LIN52: variants seen among roughly 807,000 people sequenced by gnomAD.
LIN52 encodes lin-52 DREAM MuvB core complex component.
A neutral mutation model predicts 18.5 loss-of-function variants in LIN52; 4 were observed. That is an observed-to-expected ratio of 0.22 (90% confidence interval 0.11 to 0.49). LIN52 has a LOEUF of 0.49. Ranked by LOEUF, LIN52 falls within the 20% of genes least tolerant of loss-of-function variation. The pLI, the probability that LIN52 is intolerant of heterozygous loss-of-function variation, is 0.97. For missense variants in LIN52, 102 were observed against 139.5 expected, an observed-to-expected ratio of 0.73 and a Z score of 1.35; for synonymous variants, 34 against 45.5, an observed-to-expected ratio of 0.75 and a Z score of 1.02.
At chr14:74,179,191 C>G (rs992224227) in intron 5 of LIN52, among the ~76,000 whole-genome samples, 1 of 152,196 alleles carries the variant, frequency 6.6e-6, no homozygotes, top group Non-Finnish European at 1.5e-5. Flanking sequence ...AATTAATTAT[C>G]TCCATTCTAT....
Position 74,101,216 on chromosome 14 carries a change from C to T in LIN52, c.261C>T (p.Ala87=), listed in dbSNP as rs145058704. 19 of 1,610,288 alleles carry T rather than the reference C, an allele frequency of 1.2e-5. No homozygotes were observed. The highest frequency in any genetic ancestry group is 2.7e-5 in the African/African-American group (2 of 74,694). The part of the protein sequence containing the change: ...MEKVRGLQNL[A]YQLGLDESRE... ...AGGTTCGAGGCCTACAGAACCTAGCCTATCAGCTGGGGCTGGATGAGTGTG... is the reference window on the plus strand; with the variant it reads ...AGGTTCGAGGCCTACAGAACCTAGCTTATCAGCTGGGGCTGGATGAGTGTG... The change falls in exon 5 of 6, where the codon GCC becomes GCT. Residue 87 remains alanine, a synonymous_variant. Coordinates refer to ENST00000555028, the MANE Select transcript of LIN52 (RefSeq NM_001024674.3).
intron 5 of LIN52, among the ~76,000 whole-genome samples, chr14:74,151,066 CCA>C (rs2061175117): frequency 6.6e-6 from 1 of 151,678 alleles, no homozygotes; most frequent in African/African-American, 2.4e-5. Flanking sequence ...ATTTTTATAC[CCA>C]GAGAGTCATT....
At chr14:74,167,092 G>A (rs1421475138) in intron 5 of LIN52, among the ~76,000 whole-genome samples, 1 of 145,008 alleles carries the variant, frequency 6.9e-6, no homozygotes, top group African/African-American at 2.5e-5. Context: ...TGGGGAAGAG[G>A]CCAACACTGG....
chr14:74,181,376 G>GGATCATGGCTCGA (rs1202475800), intron 5 of LIN52, among the ~76,000 whole-genome samples: 5 of 150,964 alleles, frequency 3.3e-5, no homozygotes, highest in Non-Finnish European at 5.9e-5. Flanking sequence ...GGAGGTTGAG[G>GGATCATGGCTCGA]CTGCAGCGAG....
At chr14:74,086,410 T>C (rs2060731941) in intron 1 of LIN52, among the ~76,000 whole-genome samples, 1 of 152,100 alleles carries the variant, frequency 6.6e-6, no homozygotes, top group African/African-American at 2.4e-5. Flanking sequence ...CCCAGCACTT[T>C]GGGAGGCTGA....
chr14:74,089,424 A>G (rs568528983), intron 1 of LIN52, among the ~76,000 whole-genome samples: 2 of 149,778 alleles, frequency 1.3e-5, no homozygotes, highest in East Asian at 3.9e-4. Flanking sequence ...GCTGGAGTGC[A>G]GTGGTGTGAC....
intron 5 of LIN52, among the ~76,000 whole-genome samples, chr14:74,158,272 C>G (rs1042899340): frequency 1.3e-5 from 2 of 151,340 alleles, no homozygotes; most frequent in South Asian, 4.2e-4. Flanking sequence ...CGTCACATGC[C>G]CGGCTAATTT....
intron 5 of LIN52, among the ~76,000 whole-genome samples, chr14:74,189,885 C>T (rs1232371782): frequency 6.6e-6 from 1 of 152,104 alleles, no homozygotes; most frequent in East Asian, 1.9e-4. Context: ...CACATTGAGT[C>T]CTGGCTTTTC....
chr14:74,121,464 A>G (rs1241680835), intron 5 of LIN52, among the ~76,000 whole-genome samples: 2 of 152,230 alleles, frequency 1.3e-5, no homozygotes, highest in African/African-American at 2.4e-5. Flanking sequence ...TTCCAATTCT[A>G]AGATACTTTA....
chr14:74,178,807 A>G (rs924022552), intron 5 of LIN52, among the ~76,000 whole-genome samples: 1 of 151,842 alleles, frequency 6.6e-6, no homozygotes, highest in African/African-American at 2.4e-5. Flanking sequence ...GAGGCTGGAC[A>G]TAGTGCCTCA....
chr14:74,156,787 C>T (rs781138030), intron 5 of LIN52, among the ~76,000 whole-genome samples: 1 of 152,122 alleles, frequency 6.6e-6, no homozygotes, highest in Non-Finnish European at 1.5e-5. Context: ...ACCAACCTCT[C>T]CCATCTTTAC....
intron 5 of LIN52, among the ~76,000 whole-genome samples, chr14:74,175,732 ACACACACACACACACACACC>A (rs1253244641): frequency 0.023 from 3,408 of 148,076 alleles, 152 homozygotes; most frequent in African/African-American, 0.082. Context: ...ACACACACAC[ACACACACACACACACACACC>A]CCCATTATAC....
chr14:74,169,248 T>C (rs1189911056), intron 5 of LIN52, among the ~76,000 whole-genome samples: 3 of 152,220 alleles, frequency 2.0e-5, no homozygotes, highest in African/African-American at 7.2e-5. Flanking sequence ...TCAAGAGAAG[T>C]TCCCTTTTAC....
intron 5 of LIN52, among the ~76,000 whole-genome samples, chr14:74,119,465 G>A (rs1011388300): frequency 9.2e-5 from 14 of 152,140 alleles, no homozygotes; most frequent in African/African-American, 2.2e-4. Context: ...CACCTGGGCC[G>A]TACATGCATT....
intron 5 of LIN52, among the ~76,000 whole-genome samples, chr14:74,119,004 A>G (rs1038655673): frequency 2.6e-5 from 4 of 152,156 alleles, no homozygotes; most frequent in African/African-American, 9.7e-5. Flanking sequence ...GTTTTCTCCC[A>G]TTGCTATATA....
At chr14:74,130,282 T>G (rs201103956) in intron 5 of LIN52, among the ~76,000 whole-genome samples, 10 of 81,454 alleles carry the variant, frequency 1.2e-4, no homozygotes, top group South Asian at 6.6e-4. Flanking sequence ...TTTTTGGTTT[T>G]TTTTTTTTTT....
intron 2 of LIN52, among the ~76,000 whole-genome samples, chr14:74,093,999 G>A (rs1595145681): frequency 6.7e-6 from 1 of 150,206 alleles, no homozygotes. Context: ...AAAAAAAAAA[G>A]GTACAAATCC....
intron 5 of LIN52, among the ~76,000 whole-genome samples, chr14:74,119,984 C>A (rs10141021): frequency 0.22 from 34,083 of 151,616 alleles, 4,162 homozygotes; most frequent in South Asian, 0.46. Context: ...TACAGGTGCA[C>A]GCTACCACGT....
At chr14:74,124,073 T>C (rs2061014114) in intron 5 of LIN52, among the ~76,000 whole-genome samples, 1 of 152,192 alleles carries the variant, frequency 6.6e-6, no homozygotes, top group African/African-American at 2.4e-5. Flanking sequence ...TTATTTTTTT[T>C]ACAAGATGAT....
Sources: gnomAD v4.1 joint callset for allele counts (sites outside exome capture counted in the v4.1 genomes callset) on GRCh38, gnomAD v4.1.1 for gene constraint, MANE v1.5 for transcripts, NCBI Gene and HGNC (gene_info 2026-07-23, HGNC 2026-07-21) for gene names.